ADAM15: variants seen among roughly 807,000 people sequenced by gnomAD.
ADAM15 encodes the protein disintegrin and metalloproteinase domain-containing protein 15.
ADAM15 carries 77 observed loss-of-function variants against 113.8 expected under a neutral mutation model. The observed-to-expected ratio is 0.68, with a 90% CI of 0.56 to 0.82. ADAM15 has a LOEUF of 0.82. ADAM15 is among the 40% of genes least tolerant of loss of function. The pLI, the probability that ADAM15 is intolerant of heterozygous loss-of-function variation, is 0.00. For synonymous variants in ADAM15, 388 were observed against 454.1 expected (o/e 0.85, Z 1.85); for missense variants, 963 against 1,120.1 (o/e 0.86, Z 2.00).
chr1:155,053,773 C>T (rs1331260978), intron 3 of ADAM15, 137 bp from the exon 4 acceptor site: 6 of 981,500 alleles, frequency 6.1e-6, no homozygotes, highest in South Asian at 1.5e-5. Flanking sequence ...TACTTTGCTG[C>T]CCCGGGGTCA....
Position 155,056,936 on chromosome 1 carries a change from C to A in ADAM15, c.1000-17C>A. On this transcript the variant is annotated splice_polypyrimidine_tract_variant and intron_variant, in intron 10 of 22. Transcript: ENST00000356955. The surrounding 1 kb of genome is among the most constrained non-coding windows in gnomAD (Gnocchi z 4.0). ...GCAGGCTGGGACTGGACCTACAGTACCCCTCCCCAATGACAGGACCACTCC... is the reference window on the plus strand; with the variant it reads ...GCAGGCTGGGACTGGACCTACAGTAACCCTCCCCAATGACAGGACCACTCC... The A allele has an allele frequency of 6.5e-7, 1 of 1,541,660 alleles. No individual in the cohort carries two copies. Among genetic ancestry groups the A allele is most frequent in the South Asian group, 1.3e-5 (1 of 79,280 alleles).
At chr1:155,053,858 G>C in intron 3 of ADAM15, 52 bp from the exon 4 acceptor site, 1 of 1,594,010 alleles carries the variant, frequency 6.3e-7, no homozygotes, top group Non-Finnish European at 8.6e-7. Context: ...GCTTGTCAAT[G>C]CACGACCTGG....
At position 155,056,051 on chromosome 1, in the gene ADAM15, C is replaced by T. The variant is rs576725795; in HGVS notation, c.745-29C>T. ...ACCCCAGGCCCCTGACCATGGCAAC[C>T]CCTCTTCTGAGCCCCAGCTGTCTTT... On this transcript the variant is annotated intron_variant, in intron 8 of 22. Transcript: ENST00000356955. The surrounding 1 kb of genome is among the most constrained non-coding windows in gnomAD (Gnocchi z 4.0). 6.2e-7 allele frequency: 1 copy of T among 1,612,334 alleles called. No individual in the cohort carries two copies.
Position 155,062,591 on chromosome 1 carries a change from C to G in ADAM15, c.*89C>G. On this transcript the variant is annotated 3_prime_UTR_variant, in exon 23 of 23. Transcript: ENST00000356955. The surrounding 1 kb of genome is among the most constrained non-coding windows in gnomAD (Gnocchi z 7.0). ...TGGAGTCCCCTACCATGACTGAAGG[C>G]GCCAGAGACTGGCGGTGTCTTAAGA... 6.6e-7 allele frequency: 1 copy of G among 1,524,402 alleles called. No individual in the cohort carries two copies. The highest frequency in any genetic ancestry group is 8.9e-7 in the Non-Finnish European group (1 of 1,120,494). 94.4% of individuals were successfully genotyped at this position (1,524,402 alleles called of 1,614,324 possible).
In ADAM15 at chr1:155,057,249, G is replaced by A; in HGVS notation, c.1210G>A (p.Asp404Asn). 1.2e-6 allele frequency: 2 copies of A among 1,614,176 alleles called. No individual in the cohort carries two copies. Among genetic ancestry groups the A allele is most frequent in the Middle Eastern group, 1.7e-4 (1 of 6,060 alleles). ...SRRALEKALL[D>N]GMGSCLFERL... The stretch of plus-strand genomic sequence containing the variant: ...ACGGGCCCTGGAGAAAGCCCTCCTG[G>A]ATGGAATGGGCAGCTGCCTCTTCGA... Residue 404 changes from aspartate (D) to asparagine (N), a missense_variant, in exon 12 of 23, where the codon GAT (aspartate) becomes AAT (asparagine). Asp to Asn is a conservative substitution (Grantham distance 23). Coordinates refer to ENST00000356955, the MANE Select transcript of ADAM15 (RefSeq NM_207197.3). This position sits in a 1 kb window ranked among gnomAD's most constrained non-coding sequence, Gnocchi z 5.0.
chr1:155,060,022 C>G (rs760539079), intron 17 of ADAM15, 48 bp downstream of exon 17: 5 of 1,605,688 alleles, frequency 3.1e-6, no homozygotes, highest in Non-Finnish European at 4.3e-6. Context: ...CAAAGCGTCT[C>G]ATGCTTTATC....
Position 155,062,532 on chromosome 1 carries a change from C to T in ADAM15, c.*30C>T, listed in dbSNP as rs1187120098. 5.0e-6 allele frequency: 8 copies of T among 1,610,874 alleles called. No individual in the cohort carries two copies. The highest frequency in any genetic ancestry group is 1.3e-5 in the African/African-American group (1 of 75,020). On this transcript the variant is annotated 3_prime_UTR_variant, in exon 23 of 23. Transcript: ENST00000356955. This position sits in a 1 kb window ranked among gnomAD's most constrained non-coding sequence, Gnocchi z 7.0. ...TCCGGAGGTTCCGCTGCCTCCAAGC[C>T]GGACTTAGGGCTTCAAGAGGCGGGC...
At chr1:155,060,429 G>A in intron 18 of ADAM15, 86 bp downstream of exon 18, 3 of 1,569,036 alleles carry the variant, frequency 1.9e-6, no homozygotes, top group South Asian at 2.3e-5. Context: ...CTGCCACCTG[G>A]TTCTGAGCCC....
chr1:155,052,539 T>G lies in ADAM15; in HGVS notation c.80-132T>G, dbSNP rs754716885. ...CAGTATTCTTCTTTAAGTCTCAGCA[T>G]GCAATGTGGAAGCCCCTCAGGTACC... On this transcript the variant is annotated intron_variant, in intron 1 of 22. Coordinates refer to ENST00000356955, the MANE Select transcript of ADAM15 (RefSeq NM_207197.3). The G allele has an allele frequency of 9.0e-6, 14 of 1,549,008 alleles. No individual in the cohort carries two copies. The South Asian group carries it at 1.2e-4, about 13-fold the overall frequency.
At chr1:155,054,527 G>A (rs377279938) in intron 6 of ADAM15, 21 bp downstream of exon 6, 2 of 1,541,038 alleles carry the variant, frequency 1.3e-6, no homozygotes, top group Non-Finnish European at 1.8e-6. Flanking sequence ...ATGGCAGGGG[G>A]GTGGGCTTTG....
chr1:155,062,601 T>C lies in ADAM15; in HGVS notation c.*99T>C. 1 of 1,493,710 alleles carries C rather than the reference T, an allele frequency of 6.7e-7. No homozygotes were observed. The highest frequency in any genetic ancestry group is 9.1e-7 in the Non-Finnish European group (1 of 1,097,678). The allele number at this position is 1,493,710 out of a possible 1,614,324, so 92.5% of individuals were successfully genotyped here. Reference sequence around the variant, plus strand: ...TACCATGACTGAAGGCGCCAGAGACTGGCGGTGTCTTAAGACTCCGGGCAC... The same window carrying C: ...TACCATGACTGAAGGCGCCAGAGACCGGCGGTGTCTTAAGACTCCGGGCAC... On this transcript the variant is annotated 3_prime_UTR_variant, in exon 23 of 23. Transcript: ENST00000356955. This position sits in a 1 kb window ranked among gnomAD's most constrained non-coding sequence, Gnocchi z 7.0.
Position 155,057,293 on chromosome 1 carries a change from C to A in ADAM15, c.1254C>A (p.Pro418=). 7 of 1,614,222 alleles carry A rather than the reference C, an allele frequency of 4.3e-6. No homozygotes were observed. Among genetic ancestry groups the A allele is most frequent in the Non-Finnish European group, 5.9e-6 (7 of 1,180,036 alleles). ...TCTTCGAACGGCTGCCTAGCCTACC[C>A]CCTATGGCTGCTTTCTGCGGAAATA... ...SCLFERLPSL[P]PMAAFCGNMF... is the part of the protein sequence containing the mutation. The change falls in exon 12 of 23, where the codon CCC becomes CCA. Residue 418 remains proline (P), a synonymous_variant. Transcript: ENST00000356955. The surrounding 1 kb of genome is among the most constrained non-coding windows in gnomAD (Gnocchi z 5.0).
chr1:155,057,798 C>A lies in ADAM15; in HGVS notation c.1417-53C>A, dbSNP rs1253862138. 8.1e-6 allele frequency: 13 copies of A among 1,613,022 alleles called. No individual in the cohort carries two copies. Among genetic ancestry groups the A allele is most frequent in the Non-Finnish European group, 1.0e-5 (12 of 1,179,204 alleles). On this transcript the variant is annotated intron_variant, in intron 13 of 22. Coordinates refer to ENST00000356955, the MANE Select transcript of ADAM15 (RefSeq NM_207197.3). This position sits in a 1 kb window ranked among gnomAD's most constrained non-coding sequence, Gnocchi z 5.0. ...GCCAAGGTGGAAAGGGTCATTCTGACCCCCGGCTGGATTTGCTCAGTGCCC... is the reference window on the plus strand; with the variant it reads ...GCCAAGGTGGAAAGGGTCATTCTGAACCCCGGCTGGATTTGCTCAGTGCCC...
Position 155,062,106 on chromosome 1 carries a change from T to C in ADAM15, c.2424+131T>C, listed in dbSNP as rs1662725270. 2.0e-6 allele frequency: 3 copies of C among 1,477,226 alleles called. No individual in the cohort carries two copies. In the Admixed American group the frequency reaches 7.4e-5, roughly 37 times the overall value. The allele number at this position is 1,477,226 out of a possible 1,614,324, so 91.5% of individuals were successfully genotyped here. On this transcript the variant is annotated intron_variant, in intron 21 of 22. Transcript: ENST00000356955. This position sits in a 1 kb window ranked among gnomAD's most constrained non-coding sequence, Gnocchi z 7.0. ...AGGGCACATATCCCGGTGGTGCCTT[T>C]AATGGTGACAGGTTTGTTTGCAGAC...
In ADAM15 at chr1:155,056,171, T is replaced by A. The variant is rs368780638; in HGVS notation, c.836T>A (p.Val279Asp). The A allele has an allele frequency of 3.1e-6, 5 of 1,614,038 alleles. No individual in the cohort carries two copies. In the African/African-American group the frequency reaches 5.3e-5, roughly 17 times the overall value. Residue 279 changes from valine to aspartate, a missense_variant, in exon 9 of 23, where the codon GTC (valine) becomes GAC (aspartate). Physicochemically the swap from Val to Asp is radical, Grantham distance 152. Transcript: ENST00000356955. This position sits in a 1 kb window ranked among gnomAD's most constrained non-coding sequence, Gnocchi z 4.0. ...DLVEISPNPA[V>D]TLENFLHWRR... ...GTGGAGATCAGCCCAAACCCAGCTG[T>A]CACCCTCGAAAACTTCCTCCACTGG...
Position 155,059,978 on chromosome 1 carries a change from G to A in ADAM15, c.2068+4G>A. 1 of 1,614,012 alleles carries A rather than the reference G, an allele frequency of 6.2e-7. No individual in the cohort carries two copies. The highest frequency in any genetic ancestry group is 1.1e-5 in the South Asian group (1 of 91,066). Reference sequence around the variant, plus strand: ...GACTGCACCACTCAGCTCAAAGGTAGCATGGGGGTGGGGGACAGGGGCAGC... The same window carrying A: ...GACTGCACCACTCAGCTCAAAGGTAACATGGGGGTGGGGGACAGGGGCAGC... On this transcript the variant is annotated splice_donor_region_variant and intron_variant, in intron 17 of 22. Transcript: ENST00000356955.
Position 155,056,093 on chromosome 1 carries a change from T to C in ADAM15, c.758T>C (p.Leu253Pro). 6.2e-7 allele frequency: 1 copy of C among 1,613,430 alleles called. No individual in the cohort carries two copies. Among genetic ancestry groups the C allele is most frequent in the Non-Finnish European group, 8.5e-7 (1 of 1,180,016 alleles). The change falls in exon 9 of 23, where the codon CTG (leucine) becomes CCG (proline). Residue 253 changes from leucine to proline, a missense_variant. Physicochemically the swap from Leu to Pro is moderately conservative, Grantham distance 98 (BLOSUM62 -3). Coordinates refer to ENST00000356955, the MANE Select transcript of ADAM15 (RefSeq NM_207197.3). This position sits in a 1 kb window ranked among gnomAD's most constrained non-coding sequence, Gnocchi z 4.0. Reference sequence around the variant, plus strand: ...GCTGTCTTTCAGTTCTTCCGGCCCCTGAATGTACGAGTGGCACTAGTGGGC... The same window carrying C: ...GCTGTCTTTCAGTTCTTCCGGCCCCCGAATGTACGAGTGGCACTAGTGGGC... The part of the protein sequence containing the change: ...ALLLDTFFRP[L>P]NVRVALVGLE...
intron 18 of ADAM15, 41 bp downstream of exon 18, chr1:155,060,384 G>C: frequency 6.2e-7 from 1 of 1,609,756 alleles, no homozygotes; most frequent in Non-Finnish European, 8.5e-7. Context: ...CTTCAACTGG[G>C]GACAGTGCTG....
rs183831885 is a variant in ADAM15 at position 155,062,179 on chromosome 1, G to A, written c.2425-66G>A. ...CCCAAGCTGGTGTTCCCCAGCACCA[G>A]TGCGTTGGGGGTGGGCAACATGACA... On this transcript the variant is annotated intron_variant, in intron 21 of 22. Coordinates refer to ENST00000356955, the MANE Select transcript of ADAM15 (RefSeq NM_207197.3). This position sits in a 1 kb window ranked among gnomAD's most constrained non-coding sequence, Gnocchi z 7.0. The A allele has an allele frequency of 8.3e-6, 12 of 1,445,824 alleles. No individual in the cohort carries two copies. In the Admixed American group the frequency reaches 2.3e-4, roughly 28 times the overall value. The allele number at this position is 1,445,824 out of a possible 1,614,324, so 89.6% of individuals were successfully genotyped here.
Sources: gnomAD v4.1 joint callset for allele counts on GRCh38, gnomAD v4.1.1 for gene constraint, Gnocchi (gnomAD v3.1) non-coding constraint, MANE v1.5 for transcripts, NCBI Gene and HGNC (gene_info 2026-07-23, HGNC 2026-07-21) for gene names.